Variants in DENND1A observed in about 807,000 individuals in gnomAD.
DENND1A encodes the protein DENN domain containing 1A.
In DENND1A, 51 loss-of-function variants were observed where a neutral mutation model predicts 113.7. That is an observed-to-expected ratio of 0.45 (90% CI 0.36 to 0.57). The LOEUF is 0.57. DENND1A is among the 20% of genes least tolerant of loss of function. DENND1A has a pLI of 0.00. For missense variants in DENND1A, 1,258 were observed against 1,395.9 expected (o/e 0.90, Z 1.57); for synonymous variants, 565 against 570.8 (o/e 0.99, Z 0.14).
intron 5 of DENND1A, among the ~76,000 whole-genome samples, chr9:123,727,413 A>G (rs946679152): frequency 6.6e-6 from 1 of 152,230 alleles, no homozygotes; most frequent in Non-Finnish European, 1.5e-5. Flanking sequence ...ATGACACTCA[A>G]GGAAAGAAAC....
At chr9:123,507,196 C>CAAAG (rs899735827) in intron 13 of DENND1A, among the ~76,000 whole-genome samples, 8 of 151,850 alleles carry the variant, frequency 5.3e-5, no homozygotes, top group Non-Finnish European at 7.4e-5. Flanking sequence ...CTCAAAAAGA[C>CAAAG]AAAGAAAGAA....
At chr9:123,532,214 C>A (rs1464890931) in intron 13 of DENND1A, among the ~76,000 whole-genome samples, 1 of 152,192 alleles carries the variant, frequency 6.6e-6, no homozygotes, top group Non-Finnish European at 1.5e-5. Context: ...AACAAACTGA[C>A]TATATTTCCT....
At chr9:123,537,426 A>G (rs900438658) in intron 13 of DENND1A, among the ~76,000 whole-genome samples, 3 of 152,002 alleles carry the variant, frequency 2.0e-5, no homozygotes, top group African/African-American at 7.2e-5. Flanking sequence ...GAGATTTTAA[A>G]GAAGGTGAAA....
chr9:123,476,574 T>C (rs2049931712), intron 13 of DENND1A, among the ~76,000 whole-genome samples: 1 of 152,212 alleles, frequency 6.6e-6, no homozygotes, highest in Admixed American at 6.5e-5. Flanking sequence ...GAGGTTCTTT[T>C]CAATGCCCGT....
chr9:123,669,196 A>G (rs2063638348), intron 7 of DENND1A, among the ~76,000 whole-genome samples: 1 of 152,170 alleles, frequency 6.6e-6, no homozygotes, highest in Non-Finnish European at 1.5e-5. Flanking sequence ...GAGTGACTAG[A>G]GACAAAAAGT....
chr9:123,610,445 G>C (rs755130), intron 10 of DENND1A, among the ~76,000 whole-genome samples: 40,839 of 152,042 alleles, frequency 0.27, 5,736 homozygotes, highest in African/African-American at 0.29. Flanking sequence ...TGGTAGACCT[G>C]GGATTTGATT....
chr9:123,805,486 T>G (rs1404460071), intron 2 of DENND1A, among the ~76,000 whole-genome samples: 1 of 151,752 alleles, frequency 6.6e-6, no homozygotes, highest in South Asian at 2.1e-4. Flanking sequence ...CAAGATGGAC[T>G]GTAATGGCAT....
chr9:123,677,801 C>T (rs772111475), intron 5 of DENND1A, among the ~76,000 whole-genome samples: 5 of 152,152 alleles, frequency 3.3e-5, no homozygotes, highest in African/African-American at 9.7e-5. Flanking sequence ...CAATGATGTC[C>T]GTCACTCCAG....
chr9:123,749,447 T>A (rs1471220226), intron 5 of DENND1A, among the ~76,000 whole-genome samples: 1 of 152,196 alleles, frequency 6.6e-6, no homozygotes, highest in Admixed American at 6.5e-5. Context: ...GATTTTAGCT[T>A]CCAAACCAGA....
chr9:123,864,776 G>T (rs1845589686), intron 2 of DENND1A, among the ~76,000 whole-genome samples: 1 of 152,014 alleles, frequency 6.6e-6, no homozygotes, highest in Admixed American at 6.6e-5. Flanking sequence ...CTGGAAATGA[G>T]ATATTTATCA....
At chr9:123,492,664 A>G (rs1321753141) in intron 13 of DENND1A, 1 of 152,220 alleles carries the variant, frequency 6.6e-6, no homozygotes, top group East Asian at 1.9e-4. Context: ...TCATTTTAGT[A>G]AAAACGAAGC....
intron 1 of DENND1A, among the ~76,000 whole-genome samples, chr9:123,916,981 G>A (rs940757835): frequency 1.3e-5 from 2 of 151,842 alleles, no homozygotes; most frequent in African/African-American, 4.8e-5. Flanking sequence ...CTTGAGGTCA[G>A]GAGACCAGCC....
At chr9:123,582,615 G>C (rs1250174751) in intron 12 of DENND1A, among the ~76,000 whole-genome samples, 1 of 151,928 alleles carries the variant, frequency 6.6e-6, no homozygotes, top group Non-Finnish European at 1.5e-5. Context: ...TAGCCAGGAT[G>C]GTCTCACTTT....
intron 10 of DENND1A, among the ~76,000 whole-genome samples, chr9:123,610,566 C>T (rs2060371434): frequency 6.6e-6 from 1 of 152,178 alleles, no homozygotes; most frequent in Non-Finnish European, 1.5e-5. Flanking sequence ...GGAAGGAGGT[C>T]AAGGGATAGC....
chr9:123,618,796 C>T (rs745404521), intron 10 of DENND1A, among the ~76,000 whole-genome samples: 4 of 152,154 alleles, frequency 2.6e-5, no homozygotes, highest in Admixed American at 6.5e-5. Flanking sequence ...AGAGCTGTCC[C>T]GCTATACTCC....
At chr9:123,701,454 G>A (rs965818287) in intron 5 of DENND1A, among the ~76,000 whole-genome samples, 1 of 152,140 alleles carries the variant, frequency 6.6e-6, no homozygotes, top group Non-Finnish European at 1.5e-5. Context: ...CTAAGACTTT[G>A]TCTAGGTCCC....
intron 11 of DENND1A, among the ~76,000 whole-genome samples, chr9:123,598,231 C>T (rs749166887): frequency 3.4e-4 from 51 of 152,220 alleles, no homozygotes; most frequent in Admixed American, 2.7e-3. Flanking sequence ...GCTAATGGCA[C>T]GGCCAAAATC....
At chr9:123,776,736 A>T (rs1830530121) in intron 3 of DENND1A, among the ~76,000 whole-genome samples, 1 of 152,244 alleles carries the variant, frequency 6.6e-6, no homozygotes, top group African/African-American at 2.4e-5. Flanking sequence ...ATAAGAAAAA[A>T]GTGATCTTTG....
At position 123,929,492 on chromosome 9, in the gene DENND1A, C is replaced by G. The variant is rs373820861; in HGVS notation, c.17+397G>C. On this transcript the variant is annotated intron_variant, in intron 1 of 23. Transcript: ENST00000394215. The stretch of plus-strand genomic sequence containing the variant: ...AGGCCTCAAGCGGCCAGGCTGCAAC[C>G]TCTCCGGACCTGCCAACTTTCAGGG... Among the ~76,000 whole-genome samples, 33 of 152,348 alleles carry G rather than the reference C, an allele frequency of 2.2e-4. No individual in the cohort carries two copies. The East Asian group carries it at 2.7e-3, about 13-fold the overall frequency.
Sources: gnomAD v4.1 joint callset for allele counts (sites outside exome capture counted in the v4.1 genomes callset) on GRCh38, gnomAD v4.1.1 for gene constraint, MANE v1.5 for transcripts, NCBI Gene and HGNC (gene_info 2026-07-23, HGNC 2026-07-21) for gene names.